Variants in TENM4 observed in about 807,000 individuals in gnomAD.
TENM4 encodes teneurin transmembrane protein 4, also known as teneurin-4.
TENM4 carries 82 observed loss-of-function variants against 243.3 expected under a neutral mutation model. The observed-to-expected ratio is 0.34, with a 90% CI of 0.28 to 0.40. TENM4 has a LOEUF of 0.40. Among genes scored for constraint, TENM4 ranks in the 10% least tolerant of loss-of-function variants. The pLI is 1.00. For missense variants in TENM4, 3,138 were observed against 3,673.3 expected, an observed-to-expected ratio of 0.85 and a Z score of 3.77; for synonymous variants, 1,412 against 1,456.3, an observed-to-expected ratio of 0.97 and a Z score of 0.69.
intron 23 of TENM4, among the ~76,000 whole-genome samples, chr11:78,723,244 C>T (rs1247314192): frequency 2.0e-5 from 3 of 152,268 alleles, no homozygotes; most frequent in Non-Finnish European, 4.4e-5. Context: ...GGGCGCTTAG[C>T]CATTCACCTA....
intron 2 of TENM4, among the ~76,000 whole-genome samples, chr11:79,289,704 G>A (rs149878903): frequency 2.0e-5 from 3 of 152,300 alleles, no homozygotes; most frequent in East Asian, 3.9e-4. Context: ...TGGTTCTGGC[G>A]AATTCAACCT....
chr11:79,318,431 T>G lies in TENM4; in HGVS notation c.-320-20888A>C, dbSNP rs959703958. ...CTTATTAATGAATTTTACCCACAGA[T>G]ATGCTGGTAAATATTTGACAACTGA... On this transcript the variant is annotated intron_variant, in intron 1 of 33. Transcript: ENST00000278550. 1.3e-3 allele frequency among the ~76,000 whole-genome samples: 202 copies of G among 152,130 alleles called. 20 individuals carry two copies. Among genetic ancestry groups the G allele is most frequent in the Non-Finnish European group, 1.6e-4 (11 of 68,018 alleles).
At chr11:78,952,812 T>C (rs1442412076) in intron 6 of TENM4, among the ~76,000 whole-genome samples, 1 of 152,198 alleles carries the variant, frequency 6.6e-6, no homozygotes, top group Non-Finnish European at 1.5e-5. Context: ...TTGCTATTCT[T>C]ATTCCCATTT....
intron 17 of TENM4, among the ~76,000 whole-genome samples, chr11:78,773,443 A>T (rs1856680282): frequency 6.6e-6 from 1 of 152,140 alleles, no homozygotes; most frequent in Non-Finnish European, 1.5e-5. Context: ...TGAATCTTCT[A>T]CTCACCTTTA....
intron 1 of TENM4, among the ~76,000 whole-genome samples, chr11:79,327,292 T>C (rs937134096): frequency 6.6e-6 from 1 of 152,200 alleles, no homozygotes; most frequent in Non-Finnish European, 1.5e-5. Context: ...CACTAGATGA[T>C]AGTGAATTTT....
intron 21 of TENM4, 87 bp downstream of exon 21, chr11:78,732,229 T>C: frequency 6.6e-7 from 1 of 1,509,766 alleles, no homozygotes; most frequent in Non-Finnish European, 8.9e-7. Flanking sequence ...CAGAGGTGTT[T>C]TTTCTCTTTC....
intron 1 of TENM4, among the ~76,000 whole-genome samples, chr11:79,405,761 G>GT (rs1386146207): frequency 4.0e-5 from 6 of 148,254 alleles, no homozygotes; most frequent in African/African-American, 1.2e-4. Flanking sequence ...TGTGGAGCAG[G>GT]TAGGTGTGTT....
At chr11:79,230,352 T>C (rs1864351873) in intron 2 of TENM4, among the ~76,000 whole-genome samples, 1 of 152,176 alleles carries the variant, frequency 6.6e-6, no homozygotes, top group Non-Finnish European at 1.5e-5. Flanking sequence ...TTCGAAGCAG[T>C]GGCAAGGCCC....
At chr11:79,437,821 G>T (rs1859309495) in intron 1 of TENM4, among the ~76,000 whole-genome samples, 2 of 152,182 alleles carry the variant, frequency 1.3e-5, no homozygotes, top group Non-Finnish European at 1.5e-5. Flanking sequence ...CCTCCGGGGC[G>T]CCCTCCTTCT....
chr11:78,712,737 A>G (rs1414939327), intron 25 of TENM4, 23 bp from the exon 26 acceptor site: 1 of 1,605,056 alleles, frequency 6.2e-7, no homozygotes, highest in Non-Finnish European at 8.5e-7. Flanking sequence ...GACATGGCCA[A>G]CTGGTGAGCA....
In TENM4 at chr11:79,228,559, A is replaced by G. The variant is rs185622055; in HGVS notation, c.-264-12650T>C. ...ACCTCACGTGCCCACCCACGCAGAC[A>G]CACGTGCTTATTTCTACCTTGGTGA... On this transcript the variant is annotated intron_variant, in intron 2 of 33. Coordinates refer to ENST00000278550, the MANE Select transcript of TENM4 (RefSeq NM_001098816.3). Among the ~76,000 whole-genome samples the G allele has an allele frequency of 3.9e-5, 6 of 152,144 alleles. No individual in the cohort carries two copies. In the East Asian group the frequency reaches 1.2e-3, roughly 29 times the overall value.
intron 4 of TENM4, among the ~76,000 whole-genome samples, chr11:79,139,860 T>G (rs72935309): frequency 0.024 from 3,193 of 133,584 alleles, 38 homozygotes; most frequent in Non-Finnish European, 0.038. Flanking sequence ...ATATGTATTT[T>G]CCATTAGTTC....
chr11:79,286,375 G>C (rs1314395089), intron 2 of TENM4, among the ~76,000 whole-genome samples: 9 of 151,962 alleles, frequency 5.9e-5, no homozygotes, highest in Non-Finnish European at 1.2e-4. Context: ...AAATAGGATG[G>C]GCACGGTGGC....
intron 3 of TENM4, among the ~76,000 whole-genome samples, chr11:79,210,753 C>T (rs2135214424): frequency 6.6e-6 from 1 of 152,244 alleles, no homozygotes; most frequent in Middle Eastern, 3.4e-3. Flanking sequence ...CATTTTGCTG[C>T]TGGTTTCTTT....
intron 6 of TENM4, among the ~76,000 whole-genome samples, chr11:79,036,723 T>C (rs1859389054): frequency 6.6e-6 from 1 of 152,016 alleles, no homozygotes; most frequent in Admixed American, 6.6e-5. Context: ...AGAAAGAATA[T>C]ACACTCGGCC....
intron 6 of TENM4, among the ~76,000 whole-genome samples, chr11:79,037,330 T>C (rs1007410298): frequency 1.3e-5 from 2 of 152,228 alleles, no homozygotes; most frequent in East Asian, 1.9e-4. Context: ...TGGCACTTCA[T>C]AGTGACCCTG....
At chr11:78,785,805 G>A (rs1022186848) in intron 16 of TENM4, among the ~76,000 whole-genome samples, 1 of 152,120 alleles carries the variant, frequency 6.6e-6, no homozygotes, top group Non-Finnish European at 1.5e-5. Context: ...AAACCCTCAA[G>A]GGGTAAGAGG....
At chr11:79,230,632 GA>G (rs1864356637) in intron 2 of TENM4, among the ~76,000 whole-genome samples, 1 of 152,184 alleles carries the variant, frequency 6.6e-6, no homozygotes, top group African/African-American at 2.4e-5. Flanking sequence ...AGGACCTACT[GA>G]AAAACAAATA....
intron 3 of TENM4, among the ~76,000 whole-genome samples, chr11:79,180,169 A>G (rs965118653): frequency 4.0e-5 from 6 of 151,676 alleles, no homozygotes; most frequent in African/African-American, 1.4e-4. Flanking sequence ...GATTCTAAAA[A>G]TGCATTTTGG....
Sources: gnomAD v4.1 joint callset for allele counts (sites outside exome capture counted in the v4.1 genomes callset) on GRCh38, gnomAD v4.1.1 for gene constraint, MANE v1.5 for transcripts, NCBI Gene and HGNC (gene_info 2026-07-23, HGNC 2026-07-21) for gene names.